ZC3H13: variants seen among roughly 807,000 people sequenced by gnomAD.
ZC3H13 encodes zinc finger CCCH-type containing 13, also known as zinc finger CCCH domain-containing protein 13.
ZC3H13 carries 64 observed loss-of-function variants against 204.1 expected under a neutral mutation model. That is an observed-to-expected ratio of 0.31 (90% CI 0.26 to 0.39). ZC3H13 has a LOEUF of 0.39. ZC3H13 is among the 10% of genes least tolerant of loss of function. ZC3H13 has a pLI of 1.00. For synonymous variants in ZC3H13, 667 were observed against 693.7 expected (o/e 0.96, Z 0.60); for missense variants, 1,833 against 2,082.7 (o/e 0.88, Z 2.33).
At chr13:45,958,446 T>A (rs1951424172) in intron 18 of ZC3H13, among the ~76,000 whole-genome samples, 1 of 152,174 alleles carries the variant, frequency 6.6e-6, no homozygotes, top group African/African-American at 2.4e-5. Context: ...ATGTTTCAGA[T>A]TTGGAAATTT....
At chr13:45,962,751 A>G in intron 17 of ZC3H13, 1 of 985,340 alleles carries the variant, frequency 1.0e-6, no homozygotes, top group Non-Finnish European at 1.2e-6. Flanking sequence ...TACTAACTAA[A>G]CTTTTATGTC....
rs1352761115 is a variant in ZC3H13 at position 45,985,650 on chromosome 13, C to T, written c.1367G>A (p.Arg456Gln). The T allele has an allele frequency of 5.0e-6, 8 of 1,613,892 alleles. No homozygotes were observed. The highest frequency in any genetic ancestry group is 6.8e-6 in the Non-Finnish European group (8 of 1,179,990). The stretch of plus-strand genomic sequence containing the variant: ...AGTATCTCTGGCATCTCTCCGATCC[C>T]GACCATCTCGAGGTTCTCTGTCATC... Reference protein sequence around the residue: ...HRDDREPRDGRDRRDARDTRD... With the variant: ...HRDDREPRDGQDRRDARDTRD... Residue 456 changes from arginine (R) to glutamine (Q), a missense_variant, in exon 10 of 19, where the codon CGG becomes CAG. By Grantham distance (43) the Arg-to-Gln change is conservative (BLOSUM62 1). Around this residue, in one of 5 missense-constraint regions of ZC3H13, gnomAD observed 1,574 missense variants for 1,757.2 expected, o/e 0.90. Transcript: ENST00000679008.
intron 12 of ZC3H13, among the ~76,000 whole-genome samples, chr13:45,971,691 A>G (rs1952596791): frequency 6.6e-6 from 1 of 152,210 alleles, no homozygotes; most frequent in South Asian, 2.1e-4. Flanking sequence ...AAGCTTCTGC[A>G]CAGCAAAATA....
chr13:46,008,865 A>G lies in ZC3H13; in HGVS notation c.746+1483T>C, dbSNP rs200721778. ...TTTACTGAGCGCCTTATTAAAATGC[A>G]AAGTTCTATGCCAAGTAGGCAATAT... is the stretch of plus-strand genomic sequence containing the variant. On this transcript the variant is annotated intron_variant, in intron 7 of 18. Coordinates refer to ENST00000679008, the MANE Select transcript of ZC3H13 (RefSeq NM_001330564.2). 7.9e-5 allele frequency among the ~76,000 whole-genome samples: 12 copies of G among 152,274 alleles called. No homozygotes were observed. In the East Asian group the frequency reaches 1.9e-3, roughly 25 times the overall value.
chr13:45,981,189 G>A (rs1369214275), intron 10 of ZC3H13, among the ~76,000 whole-genome samples: 1 of 152,170 alleles, frequency 6.6e-6, no homozygotes. Flanking sequence ...GAAACTCTGA[G>A]GGCCCTGCCC....
intron 17 of ZC3H13, chr13:45,962,279 A>G: frequency 2.0e-6 from 2 of 985,388 alleles, no homozygotes; most frequent in Non-Finnish European, 2.4e-6. Flanking sequence ...GTTAAGCCAC[A>G]TCACCCCACC....
chr13:45,976,110 T>C (rs1332907812), intron 11 of ZC3H13: 1 of 947,618 alleles, frequency 1.1e-6, no homozygotes. Context: ...TCTTTGATCT[T>C]TCTCTGCATG....
chr13:46,048,686 C>A (rs933877258), intron 1 of ZC3H13, among the ~76,000 whole-genome samples: 1 of 151,864 alleles, frequency 6.6e-6, no homozygotes, highest in African/African-American at 2.4e-5. Context: ...CCTCCCTCAC[C>A]CTACGCCCAT....
At chr13:45,985,993 A>G (rs1399991907) in intron 9 of ZC3H13, among the ~76,000 whole-genome samples, 2 of 152,018 alleles carry the variant, frequency 1.3e-5, no homozygotes, top group African/African-American at 4.8e-5. Context: ...TACTGCCCCA[A>G]CTCACCCCAA....
intron 7 of ZC3H13, among the ~76,000 whole-genome samples, chr13:46,003,965 G>A (rs1181987606): frequency 1.3e-5 from 2 of 152,048 alleles, no homozygotes; most frequent in Non-Finnish European, 2.9e-5. Context: ...CAAAGGCACA[G>A]GTAACAACAA....
chr13:45,962,665 T>C, intron 17 of ZC3H13: 3 of 979,714 alleles, frequency 3.1e-6, no homozygotes, highest in African/African-American at 3.5e-5. Context: ...CTTATGCTAA[T>C]AGAGTAAAGG....
chr13:45,985,708 C>T lies in ZC3H13; in HGVS notation c.1309G>A (p.Glu437Lys). The T allele has an allele frequency of 6.2e-7, 1 of 1,613,708 alleles. No homozygotes were observed. The highest frequency in any genetic ancestry group is 8.5e-7 in the Non-Finnish European group (1 of 1,179,914). Residue 437 changes from glutamate (E) to lysine (K), a missense_variant, in exon 10 of 19, where the codon GAA becomes AAA. Glu to Lys is a moderately conservative substitution (Grantham distance 56). Transcript: ENST00000679008. The part of the protein sequence containing the change: ...EKDSREEREY[E>K]QDQSSSRDHR... The stretch of plus-strand genomic sequence containing the variant: ...TCTCTAGAAGAGCTCTGATCCTGTT[C>T]ATATTCTCGTTCTTCTCTTGAGTCC...
chr13:45,996,102 A>AT (rs2040315280), intron 8 of ZC3H13, among the ~76,000 whole-genome samples: 1 of 152,204 alleles, frequency 6.6e-6, no homozygotes, highest in Non-Finnish European at 1.5e-5. Context: ...ATCCAAGAAG[A>AT]TTTTGTGTTT....
chr13:45,983,252 G>A (rs182992125), intron 10 of ZC3H13, among the ~76,000 whole-genome samples: 12 of 151,250 alleles, frequency 7.9e-5, no homozygotes, highest in African/African-American at 2.7e-4. Flanking sequence ...ACTTTCAACA[G>A]AGTATTTTCT....
rs570729599 is a variant in ZC3H13 at position 45,973,513 on chromosome 13, T to C, written c.2468+1770A>G. 1.1e-4 allele frequency among the ~76,000 whole-genome samples: 17 copies of C among 152,336 alleles called. No individual in the cohort carries two copies. In the South Asian group the frequency reaches 2.7e-3, roughly 24 times the overall value. ...ATACAGGTTGCGTATCCCTTATCCA[T>C]GAAATGCTTTAGGTTTTGAATATTT... On this transcript the variant is annotated intron_variant, in intron 12 of 18. Transcript: ENST00000679008.
At chr13:45,987,812 T>C (rs2039656009) in intron 9 of ZC3H13, among the ~76,000 whole-genome samples, 1 of 152,284 alleles carries the variant, frequency 6.6e-6, no homozygotes, top group South Asian at 2.1e-4. Context: ...CAGGAGAAGT[T>C]AGAAAACAGA....
At chr13:45,982,470 A>G (rs1236189536) in intron 10 of ZC3H13, among the ~76,000 whole-genome samples, 1 of 152,186 alleles carries the variant, frequency 6.6e-6, no homozygotes, top group African/African-American at 2.4e-5. Flanking sequence ...AGGAGATTTA[A>G]TCTGTCTAAA....
intron 4 of ZC3H13, among the ~76,000 whole-genome samples, chr13:46,027,946 A>T (rs1365498429): frequency 6.6e-6 from 1 of 152,240 alleles, no homozygotes; most frequent in East Asian, 1.9e-4. Context: ...AAGAGAAAAC[A>T]GTAACGAATG....
chr13:45,968,933 C>T lies in ZC3H13; in HGVS notation c.3611G>A (p.Gly1204Asp). The T allele has an allele frequency of 6.2e-6, 10 of 1,614,178 alleles. No individual in the cohort carries two copies. The highest frequency in any genetic ancestry group is 8.5e-6 in the Non-Finnish European group (10 of 1,180,030). ...ATCATTGGATGGGGAGCGAAGACGA[C>T]CAGACGTATGACTACGGTTACTCCG... ...SNRSNRSHTS[G>D]RLRSPSNDSA... Residue 1204 changes from glycine (G) to aspartate (D), a missense_variant, in exon 14 of 19, where the codon GGT becomes GAT. Physicochemically the swap from Gly to Asp is moderately conservative, Grantham distance 94. This residue lies in a region of ZC3H13 where 1,574 missense variants were observed against 1,757.2 expected (regional missense o/e 0.90). Coordinates refer to ENST00000679008, the MANE Select transcript of ZC3H13 (RefSeq NM_001330564.2).
Sources: gnomAD v4.1 joint callset for allele counts (sites outside exome capture counted in the v4.1 genomes callset) on GRCh38, gnomAD v4.1.1 for gene constraint, gnomAD v4.1.1 regional missense constraint, MANE v1.5 for transcripts, NCBI Gene and HGNC (gene_info 2026-07-23, HGNC 2026-07-21) for gene names.